Variants in STING1 observed in about 807,000 individuals in gnomAD.
The protein encoded by STING1 is stimulator of interferon genes protein.
Under a neutral mutation model 31.6 loss-of-function variants are expected in STING1, and 19 were observed. The observed-to-expected ratio is 0.60, with a 90% CI of 0.42 to 0.88. The LOEUF (loss-of-function observed/expected upper bound fraction) is 0.88, where lower values mean the gene tolerates loss of function less well. Among genes scored for constraint, STING1 ranks in the 40% least tolerant of loss-of-function variants. The probability of loss-of-function intolerance (pLI) is 0.00; values close to 1 mark genes in which losing one functional copy is unlikely to be tolerated. For missense variants in STING1, 371 were observed against 483.7 expected, an observed-to-expected ratio of 0.77 and a Z score of 2.19; for synonymous variants, 200 against 208.6, an observed-to-expected ratio of 0.96 and a Z score of 0.35.
At chr5:139,482,035 A>C in intron 2 of STING1, 175 bp downstream of exon 2, 3 of 218,572 alleles carry the variant, frequency 1.4e-5, no homozygotes, top group Non-Finnish European at 1.8e-5. Context: ...CCAACCAAGA[A>C]CCCTTGGGGA....
chr5:139,482,522 C>G (rs1484350435), intron 1 of STING1, 28 bp downstream of exon 1: 1 of 152,202 alleles, frequency 6.6e-6, no homozygotes, highest in Admixed American at 6.6e-5. Context: ...TTGCTACCCC[C>G]AAACCAAGGG....
In STING1 at chr5:139,479,848, C is replaced by CAAAAA. The variant is rs1168023127; in HGVS notation, c.520+937_520+941dup. ...TGAAACCCTGTCTCTACTAAAAATA[C>CAAAAA]AAAAAAAAAAAAAAAAAAAAAAAAA... is the stretch of plus-strand genomic sequence containing the variant. On this transcript the variant is annotated intron_variant, in intron 5 of 7. Transcript: ENST00000330794. 1.0e-3 allele frequency among the ~76,000 whole-genome samples: 36 copies of CAAAAA among 34,914 alleles called. 6 individuals carry two copies. The highest frequency in any genetic ancestry group is 2.8e-3 in the East Asian group (2 of 712). The allele number at this position is 34,914 out of a possible 152,430, so 22.9% of individuals were successfully genotyped here.
intron 5 of STING1, among the ~76,000 whole-genome samples, chr5:139,479,701 TAA>T (rs79747590): frequency 8.1e-5 from 10 of 123,140 alleles, no homozygotes; most frequent in Middle Eastern, 4.7e-3. Context: ...AACTCCATCT[TAA>T]AAAAAAAAAA....
At position 139,481,044 on chromosome 5, in the gene STING1, T is replaced by C; in HGVS notation, c.411+115A>G. The stretch of plus-strand genomic sequence containing the variant: ...CACTGTTCCAGGACATTATAGGTTC[T>C]ACTCCATGGACTCCAGCCTTTAAAC... On this transcript the variant is annotated intron_variant, in intron 4 of 7. Transcript: ENST00000330794. This position sits in a 1 kb window ranked among gnomAD's most constrained non-coding sequence, Gnocchi z 4.1. 1 of 1,241,538 alleles carries C rather than the reference T, an allele frequency of 8.1e-7. No individual in the cohort carries two copies. Among genetic ancestry groups the C allele is most frequent in the Non-Finnish European group, 1.2e-6 (1 of 852,220 alleles). The allele number at this position is 1,241,538 out of a possible 1,614,324, so 76.9% of individuals were successfully genotyped here.
Position 139,477,413 on chromosome 5 carries a change from C to T in STING1, c.862G>A (p.Ala288Thr). The change falls in exon 7 of 8, where the codon GCC (alanine) becomes ACC (threonine). Residue 288 changes from alanine to threonine, a missense_variant. Transcript: ENST00000330794. ...TCAAGTGTCCGGCAGAAGAGTTTGG[C>T]CTGCTCAAGCCTATCCTCCCGGCTA... ...GFSREDRLEQ[A>T]KLFCRTLEDI... is the part of the protein sequence containing the mutation. 2 of 1,614,206 alleles carry T rather than the reference C, an allele frequency of 1.2e-6. No individual in the cohort carries two copies. Among genetic ancestry groups the T allele is most frequent in the Non-Finnish European group, 8.5e-7 (1 of 1,180,030 alleles).
chr5:139,480,685 G>A lies in STING1; in HGVS notation c.520+105C>T. 3 of 716,876 alleles carry A rather than the reference G, an allele frequency of 4.2e-6. No homozygotes were observed. In the South Asian group the frequency reaches 5.4e-5, roughly 13 times the overall value. 44.4% of individuals were successfully genotyped at this position (716,876 alleles called of 1,614,324 possible). ...TAAAGGATTTGGTAGACATGAAAATGCTTTGAAAAATATAGTGAGTTCTGT... is the reference window on the plus strand; with the variant it reads ...TAAAGGATTTGGTAGACATGAAAATACTTTGAAAAATATAGTGAGTTCTGT... On this transcript the variant is annotated intron_variant, in intron 5 of 7. Coordinates refer to ENST00000330794, the MANE Select transcript of STING1 (RefSeq NM_198282.4).
At position 139,481,438 on chromosome 5, in the gene STING1, C is replaced by T. The variant is rs763444250; in HGVS notation, c.227+40G>A. 10 of 1,602,480 alleles carry T rather than the reference C, an allele frequency of 6.2e-6. 1 individual carries two copies. In the South Asian group the frequency reaches 7.8e-5, roughly 12 times the overall value. ...AGGGCTAGGCATCAAGGGAGTGACA[C>T]ACGTTGGATACCCCGTCCCTGGGTA... On this transcript the variant is annotated intron_variant, in intron 3 of 7. Transcript: ENST00000330794. This position sits in a 1 kb window ranked among gnomAD's most constrained non-coding sequence, Gnocchi z 4.1.
In STING1 at chr5:139,476,076, G is replaced by A. The variant is rs1025277542; in HGVS notation, c.*185C>T. On this transcript the variant is annotated 3_prime_UTR_variant, in exon 8 of 8. Coordinates refer to ENST00000330794, the MANE Select transcript of STING1 (RefSeq NM_198282.4). ...CATTTCACAGGTTGAAGACACCGAG[G>A]CTCAGAGAGGGGAAATGACTGGCCC... is the stretch of plus-strand genomic sequence containing the variant. The A allele has an allele frequency of 3.5e-6, 2 of 564,216 alleles. No homozygotes were observed. Among genetic ancestry groups the A allele is most frequent in the Non-Finnish European group, 6.4e-6 (2 of 314,420 alleles). The allele number at this position is 564,216 out of a possible 1,614,324, so 35.0% of individuals were successfully genotyped here.
chr5:139,481,205 G>C lies in STING1; in HGVS notation c.365C>G (p.Ala122Gly), dbSNP rs1177687924. ...AVGPPFTWML[A>G]LLGLSQALNI... ...CAGTGCCTGCGAGAGGCCCAGGAGG[G>C]CAAGCATCCAAGTGAAGGGCGGGCC... is the stretch of plus-strand genomic sequence containing the variant. The change falls in exon 4 of 8, where the codon GCC becomes GGC. Residue 122 changes from alanine to glycine, a missense_variant. Ala to Gly is a moderately conservative substitution (Grantham distance 60). Coordinates refer to ENST00000330794, the MANE Select transcript of STING1 (RefSeq NM_198282.4). The surrounding 1 kb of genome is among the most constrained non-coding windows in gnomAD (Gnocchi z 4.1). 1 of 1,614,212 alleles carries C rather than the reference G, an allele frequency of 6.2e-7. No homozygotes were observed. The highest frequency in any genetic ancestry group is 8.5e-7 in the Non-Finnish European group (1 of 1,180,042).
chr5:139,479,309 T>C (rs1477628020), intron 5 of STING1: 1 of 152,260 alleles, frequency 6.6e-6, no homozygotes, highest in East Asian at 1.9e-4. Flanking sequence ...TGCAGTGGTC[T>C]AGGGTCCAGG....
In STING1 at chr5:139,476,254, C is replaced by T. The variant is rs1428868637; in HGVS notation, c.*7G>A. The T allele has an allele frequency of 1.9e-6, 3 of 1,566,724 alleles. No homozygotes were observed. Among genetic ancestry groups the T allele is most frequent in the Admixed American group, 3.8e-5 (2 of 52,488 alleles). On this transcript the variant is annotated 3_prime_UTR_variant, in exon 8 of 8. Coordinates refer to ENST00000330794, the MANE Select transcript of STING1 (RefSeq NM_198282.4). ...CACTGGAGGCTCTGGCCTGGTGACC[C>T]TGGGTCTCAAGAGAAATCCGTGCGG...
intron 6 of STING1, among the ~76,000 whole-genome samples, 165 bp from the exon 7 acceptor site, chr5:139,477,680 G>T (rs779500733): frequency 6.6e-6 from 1 of 152,198 alleles, no homozygotes; most frequent in African/African-American, 2.4e-5. Context: ...GGTCTATGCT[G>T]TCTGGCCTGC....
Position 139,481,327 on chromosome 5 carries a change from G to A in STING1, c.243C>T (p.Tyr81=). The change falls in exon 4 of 8, where the codon TAC becomes TAT. Residue 81 remains tyrosine (Y), a synonymous_variant. Transcript: ENST00000330794. The surrounding 1 kb of genome is among the most constrained non-coding windows in gnomAD (Gnocchi z 4.1). ...RHIHSRYRGS[Y]WRTVRACLGC... is the part of the protein sequence containing the mutation. ...CCAGGCAGGCCCGCACAGTCCTCCA[G>A]TAGCTGCCCCGGTACCTGTGAGTGA... 3.8e-6 allele frequency: 6 copies of A among 1,597,622 alleles called. No individual in the cohort carries two copies. The highest frequency in any genetic ancestry group is 5.1e-6 in the Non-Finnish European group (6 of 1,171,370).
Position 139,481,669 on chromosome 5 carries a change from A to T in STING1, c.36T>A (p.Cys12Ter), listed in dbSNP as rs764938723. 1 of 1,610,214 alleles carries T rather than the reference A, an allele frequency of 6.2e-7. No homozygotes were observed. Among genetic ancestry groups the T allele is most frequent in the Non-Finnish European group, 8.5e-7 (1 of 1,177,514 alleles). ...CCTTCTGGGCCCCGTGACCCCTGGGACACGGGATGGATGGATGCAGGCTGG... is the reference window on the plus strand; with the variant it reads ...CCTTCTGGGCCCCGTGACCCCTGGGTCACGGGATGGATGGATGCAGGCTGG... ...PHSSLHPSIP[C>*]PRGHGAQKAA... Residue 12 changes from cysteine to a stop codon, truncating the protein, a stop_gained, in exon 3 of 8, where the codon TGT becomes TGA. Coordinates refer to ENST00000330794, the MANE Select transcript of STING1 (RefSeq NM_198282.4). LOFTEE classifies it high-confidence loss of function. The surrounding 1 kb of genome is among the most constrained non-coding windows in gnomAD (Gnocchi z 4.1).
intron 5 of STING1, chr5:139,478,855 A>T (rs1373073180): frequency 3.7e-6 from 1 of 268,178 alleles, no homozygotes; most frequent in East Asian, 7.6e-5. Context: ...GCCCCAGATC[A>T]GTCTCCTAGC....
Position 139,476,159 on chromosome 5 carries a change from C to A in STING1, c.*102G>T. The A allele has an allele frequency of 1.1e-6, 1 of 939,940 alleles. No homozygotes were observed. Among genetic ancestry groups the A allele is most frequent in the African/African-American group, 1.7e-5 (1 of 60,268 alleles). The allele number at this position is 939,940 out of a possible 1,614,324, so 58.2% of individuals were successfully genotyped here. ...CCTGGACCCTTCCCTGCAAGGCCCC[C>A]TGTGGAAGGAAATAGCTCTGCTGGA... On this transcript the variant is annotated 3_prime_UTR_variant, in exon 8 of 8. Transcript: ENST00000330794.
Position 139,481,105 on chromosome 5 carries a change from A to G in STING1, c.411+54T>C, listed in dbSNP as rs913571153. ...CCCAGTACTCAGCTCAGGGCAGGTC[A>G]CACCAGCCACAGCCACCACTTGGCC... On this transcript the variant is annotated intron_variant, in intron 4 of 7. Transcript: ENST00000330794. The surrounding 1 kb of genome is among the most constrained non-coding windows in gnomAD (Gnocchi z 4.1). 4 of 1,566,132 alleles carry G rather than the reference A, an allele frequency of 2.6e-6. No individual in the cohort carries two copies. In the African/African-American group the frequency reaches 5.4e-5, roughly 21 times the overall value.
rs1751831234 is a variant in STING1, at chr5:139,481,201, G to C, written c.369C>G (p.Leu123=). 1 of 1,614,240 alleles carries C rather than the reference G, an allele frequency of 6.2e-7. No individual in the cohort carries two copies. ...TGTTCAGTGCCTGCGAGAGGCCCAGGAGGGCAAGCATCCAAGTGAAGGGCG... is the reference window on the plus strand; with the variant it reads ...TGTTCAGTGCCTGCGAGAGGCCCAGCAGGGCAAGCATCCAAGTGAAGGGCG... ...VGPPFTWMLA[L]LGLSQALNIL... The change falls in exon 4 of 8, where the codon CTC becomes CTG. Residue 123 remains leucine, a synonymous_variant. Coordinates refer to ENST00000330794, the MANE Select transcript of STING1 (RefSeq NM_198282.4). This position sits in a 1 kb window ranked among gnomAD's most constrained non-coding sequence, Gnocchi z 4.1.
chr5:139,476,160 T>G lies in STING1; in HGVS notation c.*101A>C, dbSNP rs1483797934. ...CTGGACCCTTCCCTGCAAGGCCCCC[T>G]GTGGAAGGAAATAGCTCTGCTGGAC... On this transcript the variant is annotated 3_prime_UTR_variant, in exon 8 of 8. Coordinates refer to ENST00000330794, the MANE Select transcript of STING1 (RefSeq NM_198282.4). 1.1e-6 allele frequency: 1 copy of G among 950,402 alleles called. No individual in the cohort carries two copies. The allele number at this position is 950,402 out of a possible 1,614,324, so 58.9% of individuals were successfully genotyped here. A position where few individuals can be genotyped will look rare whatever the true frequency, so the allele number is the denominator to read the frequency against.
Sources: allele counts gnomAD v4.1 joint callset (sites outside exome capture counted in the v4.1 genomes callset), GRCh38; gene constraint gnomAD v4.1.1; non-coding constraint Gnocchi (gnomAD v3.1); transcripts MANE v1.5; gene names NCBI Gene and HGNC (gene_info 2026-07-23, HGNC 2026-07-21).